Variants in SCIN observed in about 807,000 individuals in gnomAD.
The protein encoded by SCIN is adseverin.
In SCIN, 91 loss-of-function variants were observed where a neutral mutation model predicts 91.8. The ratio of observed to expected loss-of-function variants is 0.99; its 90% CI spans 0.84 to 1.18. SCIN has a LOEUF of 1.18. Ranked by LOEUF, SCIN falls within the 50% of genes most tolerant of loss-of-function variation. SCIN has a pLI of 0.00. For missense variants in SCIN, 1,087 were observed against 863.9 expected (o/e 1.26, Z -3.24); for synonymous variants, 367 against 312.6 (o/e 1.17, Z -1.84).
intron 5 of SCIN, among the ~76,000 whole-genome samples, chr7:12,623,251 T>C (rs148451902): frequency 4.6e-5 from 7 of 152,296 alleles, no homozygotes; most frequent in African/African-American, 1.4e-4. Context: ...TTGATAAGAA[T>C]GTAAAGTCTT....
intron 4 of SCIN, among the ~76,000 whole-genome samples, chr7:12,605,729 T>C (rs1048913898): frequency 6.6e-6 from 1 of 152,222 alleles, no homozygotes; most frequent in Non-Finnish European, 1.5e-5. Context: ...GGATTAGGGA[T>C]GCTCAACTTG....
chr7:12,581,881 G>A (rs1486721675), intron 3 of SCIN, among the ~76,000 whole-genome samples: 1 of 152,156 alleles, frequency 6.6e-6, no homozygotes, highest in African/African-American at 2.4e-5. Context: ...AATATAAGTT[G>A]TGTCTTTAAA....
At position 12,604,681 on chromosome 7, in the gene SCIN, G is replaced by C; in HGVS notation, c.666+18G>C. The C allele has an allele frequency of 6.5e-7, 1 of 1,549,128 alleles. No homozygotes were observed. Among genetic ancestry groups the C allele is most frequent in the Non-Finnish European group, 8.7e-7 (1 of 1,145,730 alleles). On this transcript the variant is annotated intron_variant, in intron 4 of 15. Transcript: ENST00000297029. ...TTATAAAGGTATTGTGACTCCTGTT[G>C]TTTGTTAAAGGGTTACCACTCCAAC...
At chr7:12,573,856 C>G (rs535568857) in intron 1 of SCIN, among the ~76,000 whole-genome samples, 1 of 152,202 alleles carries the variant, frequency 6.6e-6, no homozygotes, top group South Asian at 2.1e-4. Flanking sequence ...CCCTGGGAAT[C>G]CAAAGGATTG....
At chr7:12,609,592 T>C (rs1783150422) in intron 4 of SCIN, among the ~76,000 whole-genome samples, 1 of 152,062 alleles carries the variant, frequency 6.6e-6, no homozygotes. Flanking sequence ...AAACCCAGCA[T>C]CTGGTAGATA....
chr7:12,583,150 A>G (rs1010897366), intron 3 of SCIN, among the ~76,000 whole-genome samples: 1 of 152,132 alleles, frequency 6.6e-6, no homozygotes, highest in African/African-American at 2.4e-5. Context: ...TGTAATTGCT[A>G]TGTAAATATA....
intron 4 of SCIN, among the ~76,000 whole-genome samples, chr7:12,616,467 A>G (rs923020445): frequency 6.6e-6 from 1 of 152,122 alleles, no homozygotes; most frequent in Non-Finnish European, 1.5e-5. Context: ...AGATTCTGCT[A>G]CCTTGATATT....
chr7:12,633,724 C>T (rs1479816862), intron 9 of SCIN, among the ~76,000 whole-genome samples: 2 of 152,104 alleles, frequency 1.3e-5, no homozygotes, highest in East Asian at 3.9e-4. Flanking sequence ...CAGCTGGAAG[C>T]GAGAACTCAG....
chr7:12,623,525 CTTTG>C (rs769811737), intron 5 of SCIN, among the ~76,000 whole-genome samples: 4 of 151,962 alleles, frequency 2.6e-5, no homozygotes, highest in East Asian at 1.9e-4. Flanking sequence ...TTTTTTTATT[CTTTG>C]TTTGTTTGTT....
At chr7:12,636,765 C>T (rs1336660067) in intron 10 of SCIN, among the ~76,000 whole-genome samples, 2 of 152,036 alleles carry the variant, frequency 1.3e-5, no homozygotes, top group Non-Finnish European at 2.9e-5. Flanking sequence ...TATGTAGTTG[C>T]AAATTGCTAG....
chr7:12,625,252 G>A (rs1262630284), intron 6 of SCIN, 110 bp downstream of exon 6: 2 of 1,004,820 alleles, frequency 2.0e-6, no homozygotes, highest in Non-Finnish European at 2.8e-6. Flanking sequence ...TTTTAATTAA[G>A]ACATGATCTA....
intron 9 of SCIN, among the ~76,000 whole-genome samples, chr7:12,632,042 T>C (rs1323234976): frequency 6.6e-6 from 1 of 151,940 alleles, no homozygotes; most frequent in Non-Finnish European, 1.5e-5. Context: ...ACATTGGGGG[T>C]CACTCAAAGA....
rs555689533 is a variant in SCIN, at chr7:12,610,338, A to T, written c.666+5675A>T. The stretch of plus-strand genomic sequence containing the variant: ...GAGTTGAATAGTGAAGATAGTTCTT[A>T]AGTTATCTTTTAGAGATGTACTCTA... On this transcript the variant is annotated intron_variant, in intron 4 of 15. Transcript: ENST00000297029. 7.2e-5 allele frequency among the ~76,000 whole-genome samples: 11 copies of T among 152,338 alleles called. No homozygotes were observed. In the East Asian group the frequency reaches 1.9e-3, roughly 27 times the overall value.
chr7:12,580,021 C>A (rs1472005385), intron 2 of SCIN, among the ~76,000 whole-genome samples: 1 of 151,884 alleles, frequency 6.6e-6, no homozygotes, highest in East Asian at 1.9e-4. Context: ...ACTGGGAAAT[C>A]ATTTTATATT....
At position 12,658,714 on chromosome 7, in the gene SCIN, C is replaced by G. The variant is rs1053181040; in HGVS notation, c.*5999C>G. Reference sequence around the variant, plus strand: ...TTCCTCTCTAGCTTGGGGCTGCACCCTCTGCTGTGGGAAGGAGTCCTCAAG... The same window carrying G: ...TTCCTCTCTAGCTTGGGGCTGCACCGTCTGCTGTGGGAAGGAGTCCTCAAG... On this transcript the variant is annotated 3_prime_UTR_variant, in exon 16 of 16. Transcript: ENST00000297029. 1.3e-5 allele frequency: 2 copies of G among 152,160 alleles called. No homozygotes were observed. Among genetic ancestry groups the G allele is most frequent in the Non-Finnish European group, 1.5e-5 (1 of 68,026 alleles). 9.4% of individuals were successfully genotyped at this position (152,160 alleles called of 1,614,324 possible).
intron 1 of SCIN, among the ~76,000 whole-genome samples, chr7:12,572,001 C>A (rs74569342): frequency 1.3e-4 from 20 of 152,126 alleles, no homozygotes; most frequent in African/African-American, 4.8e-4. Context: ...TTAGTTTTAT[C>A]CCTGAGCTTA....
chr7:12,660,060 C>G lies in SCIN; in HGVS notation c.*7345C>G, dbSNP rs1784232768. 1 of 152,290 alleles carries G rather than the reference C, an allele frequency of 6.6e-6. No individual in the cohort carries two copies. Among genetic ancestry groups the G allele is most frequent in the African/African-American group, 2.4e-5 (1 of 41,454 alleles). The allele number at this position is 152,290 out of a possible 1,614,324, so 9.4% of individuals were successfully genotyped here. ...CCTGCCAGCAAAACATTGCTCCTGA[C>G]TCCACCGCCTATCCCAAAACCTATA... On this transcript the variant is annotated 3_prime_UTR_variant, in exon 16 of 16. Coordinates refer to ENST00000297029, the MANE Select transcript of SCIN (RefSeq NM_001112706.3).
chr7:12,622,208 T>G (rs925207231), intron 4 of SCIN, among the ~76,000 whole-genome samples: 1 of 152,098 alleles, frequency 6.6e-6, no homozygotes, highest in Non-Finnish European at 1.5e-5. Flanking sequence ...ATGCACAGAA[T>G]AGATAAATTC....
intron 9 of SCIN, among the ~76,000 whole-genome samples, chr7:12,632,129 ATTT>A (rs970090478): frequency 7.0e-6 from 1 of 143,660 alleles, no homozygotes; most frequent in South Asian, 2.2e-4. Context: ...ATTTTATTTT[ATTT>A]TATTTTATTT....
Sources: allele counts gnomAD v4.1 joint callset (sites outside exome capture counted in the v4.1 genomes callset), GRCh38; gene constraint gnomAD v4.1.1; transcripts MANE v1.5; gene names NCBI Gene and HGNC (gene_info 2026-07-23, HGNC 2026-07-21).